SCART1: variants seen among roughly 807,000 people sequenced by gnomAD.
SCART1 encodes the protein scavenger receptor cysteine-rich domain-containing protein SCART1.
In SCART1, 62 loss-of-function variants were observed where a neutral mutation model predicts 36.2. That is an observed-to-expected ratio of 1.71 (90% CI 1.40 to 2.12). The LOEUF (loss-of-function observed/expected upper bound fraction) is 2.12, where lower values mean the gene tolerates loss of function less well. Ranked by LOEUF, SCART1 falls within the 30% of genes most tolerant of loss-of-function variation. The pLI is 0.00. For missense variants in SCART1, 1,041 were observed against 540.5 expected (o/e 1.93, Z -9.18); for synonymous variants, 487 against 238.7 (o/e 2.04, Z -9.59).
intron 1 of SCART1, among the ~76,000 whole-genome samples, chr10:133,454,751 G>A (rs1850587550): frequency 6.6e-6 from 1 of 152,116 alleles, no homozygotes; most frequent in Non-Finnish European, 1.5e-5. Context: ...GCAGGGCGGT[G>A]ACCTGGTGCT....
At chr10:133,464,175 A>G (rs1046297486) in intron 6 of SCART1, 2 of 165,158 alleles carry the variant, frequency 1.2e-5, no homozygotes, top group Admixed American at 6.3e-5. Context: ...GAGTAACTCC[A>G]TTGTGTATAT....
At chr10:133,457,921 G>A in intron 3 of SCART1, 2 of 510,810 alleles carry the variant, frequency 3.9e-6, no homozygotes, top group East Asian at 3.7e-5. Flanking sequence ...TGCCTCAACT[G>A]TGTGTGAGCT....
exon 6 of SCART1, chr10:133,459,851 G>A (rs1850673887): frequency 3.5e-6 from 2 of 565,292 alleles, no homozygotes; most frequent in South Asian, 2.2e-5. Flanking sequence ...ACGGGATCCC[G>A]GGCGCCCTGA....
intron 5 of SCART1, 31 bp downstream of exon 5, chr10:133,459,357 GGTGA>G: frequency 4.8e-6 from 3 of 620,702 alleles, no homozygotes; most frequent in Non-Finnish European, 8.7e-6. Flanking sequence ...GGACCAGGAG[GGTGA>G]GTGAGAGGCA....
intron 6 of SCART1, among the ~76,000 whole-genome samples, chr10:133,463,355 A>G (rs531963845): frequency 5.9e-5 from 9 of 152,136 alleles, no homozygotes; most frequent in Non-Finnish European, 1.2e-4. Context: ...CCAGTGTACA[A>G]TGCAATATTA....
At chr10:133,457,857 C>G (rs965744443) in intron 3 of SCART1, 7 of 544,716 alleles carry the variant, frequency 1.3e-5, no homozygotes, top group African/African-American at 5.8e-5. Flanking sequence ...CAGCTGTGAT[C>G]TCTGCATGTC....
At chr10:133,466,061 C>G (rs1464951434) in intron 9 of SCART1, 174 bp from the exon 10 acceptor site, 23 of 634,290 alleles carry the variant, frequency 3.6e-5, no homozygotes, top group Non-Finnish European at 5.9e-5. Flanking sequence ...TGGACACTAG[C>G]CATTTTGGGG....
chr10:133,457,068 G>C (rs369483595), intron 2 of SCART1: 2 of 581,066 alleles, frequency 3.4e-6, no homozygotes, highest in African/African-American at 3.8e-5. Flanking sequence ...CGGATCCTGC[G>C]GGGAACCTTG....
At chr10:133,467,034 G>A (rs1850771560) in intron 10 of SCART1, 164 bp from the exon 11 acceptor site, 4 of 536,860 alleles carry the variant, frequency 7.5e-6, no homozygotes, top group Admixed American at 3.3e-5. Context: ...GGATGGGAGG[G>A]CACTGGGAGT....
intron 6 of SCART1, among the ~76,000 whole-genome samples, chr10:133,463,881 C>T (rs1850732721): frequency 6.6e-6 from 1 of 152,144 alleles, no homozygotes; most frequent in East Asian, 1.9e-4. Flanking sequence ...CTGTTAATTA[C>T]AGTCATCCTA....
intron 11 of SCART1, 118 bp from the exon 12 acceptor site, chr10:133,467,729 T>C (rs751818784): frequency 3.6e-6 from 2 of 549,108 alleles, no homozygotes; most frequent in Non-Finnish European, 6.5e-6. Context: ...CCTTGAACAT[T>C]GCCAGGTGCT....
intron 9 of SCART1, 113 bp from the exon 10 acceptor site, chr10:133,466,122 C>T (rs925081134): frequency 3.2e-6 from 2 of 632,990 alleles, no homozygotes; most frequent in African/African-American, 1.8e-5. Flanking sequence ...TTCCGACTCG[C>T]AGGTCCTCCA....
intron 2 of SCART1, chr10:133,457,067 C>G (rs952437857): frequency 1.7e-6 from 1 of 580,986 alleles, no homozygotes; most frequent in Non-Finnish European, 3.0e-6. Flanking sequence ...ACGGATCCTG[C>G]GGGGAACCTT....
chr10:133,463,336 A>G (rs1355642986), intron 6 of SCART1, among the ~76,000 whole-genome samples: 1 of 152,116 alleles, frequency 6.6e-6, no homozygotes, highest in Non-Finnish European at 1.5e-5. Flanking sequence ...CTACTTTCCT[A>G]GCAAACTTCC....
chr10:133,456,529 A>G, exon 2 of SCART1: 1 of 678,344 alleles, frequency 1.5e-6, no homozygotes, highest in South Asian at 1.6e-5. Context: ...GCCCCCACGC[A>G]TGGGTGGTGG....
chr10:133,463,796 C>T (rs1231426867), intron 6 of SCART1, among the ~76,000 whole-genome samples: 3 of 152,156 alleles, frequency 2.0e-5, no homozygotes, highest in African/African-American at 7.2e-5. Flanking sequence ...AAGCCATCAT[C>T]TCAGACATGT....
chr10:133,459,176 G>A, exon 5 of SCART1: 2 of 702,912 alleles, frequency 2.8e-6, no homozygotes, highest in East Asian at 2.7e-5. Flanking sequence ...GGCCGCACCT[G>A]GAGGAGGCCA....
intron 8 of SCART1, 27 bp from the exon 9 acceptor site, chr10:133,465,224 C>T (rs1436517780): frequency 8.6e-6 from 6 of 701,358 alleles, no homozygotes; most frequent in South Asian, 1.5e-5. Flanking sequence ...GGTCCAGCCC[C>T]CGCAGTGACC....
intron 10 of SCART1, 51 bp downstream of exon 10, chr10:133,466,432 C>T (rs1331323598): frequency 1.5e-6 from 1 of 684,750 alleles, no homozygotes; most frequent in African/African-American, 1.8e-5. Flanking sequence ...GGAGCAAGAG[C>T]AGCTCACAGC....
Sources: allele counts gnomAD v4.1 joint callset (sites outside exome capture counted in the v4.1 genomes callset), GRCh38; gene constraint gnomAD v4.1.1; transcripts MANE v1.5; gene names NCBI Gene and HGNC (gene_info 2026-07-23, HGNC 2026-07-21).